Variants in KLRB1 observed in about 807,000 individuals in gnomAD.
KLRB1 encodes the protein killer cell lectin-like receptor subfamily B member 1.
A neutral mutation model predicts 33.5 loss-of-function variants in KLRB1; 27 were observed. That is an observed-to-expected ratio of 0.81 (90% CI 0.59 to 1.11). The LOEUF is 1.11. KLRB1 is among the 50% of genes most tolerant of loss of function. The pLI is 0.00. For missense variants in KLRB1, 241 were observed against 254.1 expected (o/e 0.95, Z 0.35); for synonymous variants, 64 against 88.9 (o/e 0.72, Z 1.58).
chr12:9,607,373 T>C (rs1036599025), intron 1 of KLRB1, among the ~76,000 whole-genome samples: 1 of 94,924 alleles, frequency 1.1e-5, no homozygotes. Context: ...TCTTTCTTTC[T>C]TTCTTTCTTT....
At position 9,601,563 on chromosome 12, in the gene KLRB1, A is replaced by C; in HGVS notation, c.122T>G (p.Leu41Arg). 6.2e-7 allele frequency: 1 copy of C among 1,613,744 alleles called. No homozygotes were observed. The highest frequency in any genetic ancestry group is 8.5e-7 in the Non-Finnish European group (1 of 1,179,698). ...CQGSPWHQFA[L>R]KLSCAGIILL... ...AATAATCCCAGCACAGCTAAGTTTCAGGGCAAATTGATGCCAAGGTGAACC... is the reference window on the plus strand; with the variant it reads ...AATAATCCCAGCACAGCTAAGTTTCCGGGCAAATTGATGCCAAGGTGAACC... The change falls in exon 2 of 6, where the codon CTG (leucine) becomes CGG (arginine). Residue 41 changes from leucine to arginine, a missense_variant. Transcript: ENST00000229402.
intron 2 of KLRB1, among the ~76,000 whole-genome samples, chr12:9,600,742 C>T (rs1591656603): frequency 6.6e-6 from 1 of 151,766 alleles, no homozygotes; most frequent in East Asian, 1.9e-4. Flanking sequence ...CTGAAGTACC[C>T]AGGGACACAA....
At chr12:9,607,673 A>G (rs1214279762) in intron 1 of KLRB1, 82 bp downstream of exon 1, 1 of 932,592 alleles carries the variant, frequency 1.1e-6, no homozygotes, top group East Asian at 2.4e-5. Context: ...CTTTAAAGCA[A>G]TGATTTAAAG....
At chr12:9,599,677 T>C (rs768985642) in intron 3 of KLRB1, 90 bp downstream of exon 3, 10 of 839,688 alleles carry the variant, frequency 1.2e-5, no homozygotes, top group Admixed American at 3.6e-5. Context: ...TATCTTAACA[T>C]ATGGATTGTT....
intron 5 of KLRB1, among the ~76,000 whole-genome samples, chr12:9,597,203 T>C (rs1864499145): frequency 1.3e-5 from 2 of 152,156 alleles, no homozygotes; most frequent in South Asian, 4.1e-4. Context: ...TGACGGAAAA[T>C]ACATTTTAAA....
intron 4 of KLRB1, 37 bp from the exon 5 acceptor site, chr12:9,598,198 C>T: frequency 1.5e-6 from 2 of 1,347,030 alleles, no homozygotes; most frequent in Non-Finnish European, 2.1e-6. Flanking sequence ...ATCTGCTTAT[C>T]TATTCCTGGT....
chr12:9,601,894 GT>G (rs1864548081), intron 1 of KLRB1, among the ~76,000 whole-genome samples: 1 of 152,172 alleles, frequency 6.6e-6, no homozygotes, highest in African/African-American at 2.4e-5. Context: ...ATAGAAAGAT[GT>G]TTTGAAAATT....
chr12:9,607,415 T>TTTCTG (rs143585761), intron 1 of KLRB1, among the ~76,000 whole-genome samples: 5 of 103,296 alleles, frequency 4.8e-5, no homozygotes, highest in African/African-American at 1.6e-4. Flanking sequence ...TTTTCTTTCT[T>TTTCTG]TCTTTCTTTC....
At chr12:9,599,709 A>T (rs1327395829) in intron 3 of KLRB1, 58 bp downstream of exon 3, 2 of 1,016,002 alleles carry the variant, frequency 2.0e-6, no homozygotes, top group Non-Finnish European at 3.1e-6. Context: ...CTAAGGTAAC[A>T]CATGAAATCT....
At chr12:9,595,689 C>T (rs907149342) in intron 5 of KLRB1, among the ~76,000 whole-genome samples, 2 of 152,076 alleles carry the variant, frequency 1.3e-5, no homozygotes, top group Non-Finnish European at 2.9e-5. Context: ...ACTTTGGAAA[C>T]TGGGGATTCA....
Position 9,601,617 on chromosome 12 carries a change from A to G in KLRB1, c.86-18T>C, listed in dbSNP as rs747563963. 2 of 1,464,848 alleles carry G rather than the reference A, an allele frequency of 1.4e-6. No individual in the cohort carries two copies. Among genetic ancestry groups the G allele is most frequent in the African/African-American group, 2.9e-5 (2 of 68,966 alleles). 90.7% of individuals were successfully genotyped at this position (1,464,848 alleles called of 1,614,324 possible). On this transcript the variant is annotated intron_variant, in intron 1 of 5. Coordinates refer to ENST00000229402, the MANE Select transcript of KLRB1 (RefSeq NM_002258.3). ...ACAGACATCTGAAAAGTTAAAAAGA[A>G]AAACACAAAAACAAACAAACAAACG...
At chr12:9,602,136 A>G (rs748893634) in intron 1 of KLRB1, among the ~76,000 whole-genome samples, 5 of 152,108 alleles carry the variant, frequency 3.3e-5, no homozygotes, top group African/African-American at 7.2e-5. Flanking sequence ...GTCTAAGCCA[A>G]CTTGGGATCC....
chr12:9,595,394 T>G lies in KLRB1; in HGVS notation c.558A>C (p.Glu186Asp). The G allele has an allele frequency of 6.2e-7, 1 of 1,613,004 alleles. No homozygotes were observed. The highest frequency in any genetic ancestry group is 8.5e-7 in the Non-Finnish European group (1 of 1,179,618). The change falls in exon 6 of 6, where the codon GAA becomes GAC. Residue 186 changes from glutamate (E) to aspartate (D), a missense_variant. By Grantham distance (45) the Glu-to-Asp change is conservative. Transcript: ENST00000229402. ...TCTGTGAGATGGAAATACAGCTGTT[T>G]TCTTTAGCATCACCTCTAATTTCTA... ...NDLEIRGDAK[E>D]NSCISISQTS...
At chr12:9,607,343 T>TGCCTGCCTGC (rs1565444564) in intron 1 of KLRB1, among the ~76,000 whole-genome samples, 5 of 68,116 alleles carry the variant, frequency 7.3e-5, no homozygotes, top group Non-Finnish European at 9.4e-5. Flanking sequence ...TTCCTTTCTT[T>TGCCTGCCTGC]CTTTCTTTCT....
Position 9,606,758 on chromosome 12 carries a change from A to ATTTTTTTTTTTTT in KLRB1, c.85+996_85+997insAAAAAAAAAAAAA, listed in dbSNP as rs1285915836. Among the ~76,000 whole-genome samples the ATTTTTTTTTTTTT allele has an allele frequency of 1.2e-3, 80 of 65,888 alleles. 1 individual carries two copies. The highest frequency in any genetic ancestry group is 1.6e-3 in the Non-Finnish European group (64 of 39,338). The allele number at this position is 65,888 out of a possible 152,430, so 43.2% of individuals were successfully genotyped here. On this transcript the variant is annotated intron_variant, in intron 1 of 5. Coordinates refer to ENST00000229402, the MANE Select transcript of KLRB1 (RefSeq NM_002258.3). ...AGTATATATATATATATATATATAT[A>ATTTTTTTTTTTTT]TATTTTTTTTTTTTTTTTGAGATAG...
At chr12:9,598,762 G>C in intron 3 of KLRB1, 109 bp from the exon 4 acceptor site, 1 of 672,890 alleles carries the variant, frequency 1.5e-6, no homozygotes, top group Non-Finnish European at 2.4e-6. Flanking sequence ...CAAAGTTTTT[G>C]ATTATCACTG....
At chr12:9,601,221 A>C (rs1375146260) in intron 2 of KLRB1, among the ~76,000 whole-genome samples, 1 of 151,344 alleles carries the variant, frequency 6.6e-6, no homozygotes, top group African/African-American at 2.4e-5. Flanking sequence ...TGTGACCCTG[A>C]CACATCCCCC....
At chr12:9,607,335 C>CCTTCCTTCCTGCCTGCCTGCCTTTCTTT (rs1864621978) in intron 1 of KLRB1, among the ~76,000 whole-genome samples, 3 of 65,270 alleles carry the variant, frequency 4.6e-5, no homozygotes, top group Admixed American at 1.8e-4. Context: ...CTCTTTCTTT[C>CCTTCCTTCCTGCCTGCCTGCCTTTCTTT]CTTTCTTTCT....
Position 9,598,509 on chromosome 12 carries a change from T to A in KLRB1, c.404A>T (p.Lys135Met). Residue 135 changes from lysine (K) to methionine (M), a missense_variant, in exon 4 of 6, where the codon AAG (lysine) becomes ATG (methionine). Lys to Met is a moderately conservative substitution (Grantham distance 95). Transcript: ENST00000229402. Reference protein sequence around the residue: ...KESSLLLIRDKDELIHTQNLI... With the variant: ...KESSLLLIRDMDELIHTQNLI... ...TATTTAATGATTTACCAATTCATCCTTATCTCGAATAAGCAGCAGGCTGGA... is the reference window on the plus strand; with the variant it reads ...TATTTAATGATTTACCAATTCATCCATATCTCGAATAAGCAGCAGGCTGGA... 1 of 1,609,702 alleles carries A rather than the reference T, an allele frequency of 6.2e-7. No individual in the cohort carries two copies. Among genetic ancestry groups the A allele is most frequent in the Non-Finnish European group, 8.5e-7 (1 of 1,178,170 alleles).
Sources: allele counts gnomAD v4.1 joint callset (sites outside exome capture counted in the v4.1 genomes callset), GRCh38; gene constraint gnomAD v4.1.1; transcripts MANE v1.5; gene names NCBI Gene and HGNC (gene_info 2026-07-23, HGNC 2026-07-21).